Variants in XDH observed in about 807,000 individuals in gnomAD.
XDH encodes xanthine dehydrogenase.
Under a neutral mutation model 156.1 loss-of-function variants are expected in XDH, and 138 were observed. The observed-to-expected ratio is 0.88, with a 90% confidence interval of 0.77 to 1.02. XDH has a LOEUF of 1.02. XDH is among the 50% of genes least tolerant of loss of function. The probability of loss-of-function intolerance (pLI) is 0.00; values close to 1 mark genes in which losing one functional copy is unlikely to be tolerated. For missense variants in XDH, 1,849 were observed against 1,684.9 expected (o/e 1.10, Z -1.71); for synonymous variants, 669 against 625.7 (o/e 1.07, Z -1.03).
intron 24 of XDH, among the ~76,000 whole-genome samples, chr2:31,358,572 T>A (rs1685685988): frequency 6.6e-6 from 1 of 152,130 alleles, no homozygotes; most frequent in Non-Finnish European, 1.5e-5. Flanking sequence ...CAAGCTGGAT[T>A]CATTCCAAGG....
chr2:31,347,574 G>C lies in XDH; in HGVS notation c.3224C>G (p.Thr1075Ser). Residue 1075 changes from threonine (T) to serine (S), a missense_variant, in exon 29 of 36, where the codon ACC becomes AGC. By Grantham distance (58) the Thr-to-Ser change is moderately conservative. Transcript: ENST00000379416. ...SETSTNTVPNTSPTAASVSAD... is the reference protein window; with the variant it reads ...SETSTNTVPNSSPTAASVSAD... ...GCTGACAGAGGCAGCCGTGGGAGAG[G>C]TGTTGGGCACAGTGTTAGTGCTTGT... 6.2e-7 allele frequency: 1 copy of C among 1,614,178 alleles called. No homozygotes were observed. The highest frequency in any genetic ancestry group is 8.5e-7 in the Non-Finnish European group (1 of 1,180,024).
rs45489195 is a variant in XDH, at chr2:31,376,524, A to T, written c.1427+529T>A. ...GTAATGTTATTAGTAAAATACTAGT[A>T]TAACAGCAGTAATAGTAGTAGTAGT... On this transcript the variant is annotated intron_variant, in intron 14 of 35. Coordinates refer to ENST00000379416, the MANE Select transcript of XDH (RefSeq NM_000379.4). Among the ~76,000 whole-genome samples, 155 of 149,476 alleles carry T rather than the reference A, an allele frequency of 1.0e-3. 2 individuals carry two copies. The East Asian group carries it at 0.03, about 29-fold the overall frequency.
At chr2:31,392,403 G>A (rs1686791165) in intron 6 of XDH, among the ~76,000 whole-genome samples, 1 of 150,672 alleles carries the variant, frequency 6.6e-6, no homozygotes, top group Non-Finnish European at 1.5e-5. Context: ...GATTTTATTT[G>A]TATTTTATTT....
At chr2:31,410,922 T>A (rs528899742) in intron 1 of XDH, among the ~76,000 whole-genome samples, 1 of 152,314 alleles carries the variant, frequency 6.6e-6, no homozygotes, top group South Asian at 2.1e-4. Context: ...TACATTTGCA[T>A]AAAGTTTATA....
intron 3 of XDH, 100 bp from the exon 4 acceptor site, chr2:31,401,428 C>T (rs576850453): frequency 1.4e-5 from 16 of 1,175,986 alleles, no homozygotes; most frequent in Admixed American, 5.9e-5. Context: ...CTTTATGTTA[C>T]GTCTCTCCGC....
chr2:31,375,013 TTC>T (rs1299878749), intron 15 of XDH, among the ~76,000 whole-genome samples: 1 of 112,260 alleles, frequency 8.9e-6, no homozygotes. Context: ...CTTTCTTTCT[TTC>T]TTTCTTTCTT....
intron 13 of XDH, among the ~76,000 whole-genome samples, chr2:31,378,102 G>GAA (rs1686307895): frequency 1.7e-5 from 1 of 60,318 alleles, no homozygotes. Flanking sequence ...AAGAAAGAAA[G>GAA]AAAGAAAGGA....
At position 31,364,249 on chromosome 2, in the gene XDH, T is replaced by C. The variant is rs769448916; in HGVS notation, c.2545-5A>G. 21 of 1,613,928 alleles carry C rather than the reference T, an allele frequency of 1.3e-5. No individual in the cohort carries two copies. Among genetic ancestry groups the C allele is most frequent in the Non-Finnish European group, 1.8e-5 (21 of 1,179,972 alleles). Reference sequence around the variant, plus strand: ...CCCAGTCTTCATGAAGCCAACCTGATAAAAGGAGAAAGGAGAGGGATTTAT... The same window carrying C: ...CCCAGTCTTCATGAAGCCAACCTGACAAAAGGAGAAAGGAGAGGGATTTAT... On this transcript the variant is annotated splice_polypyrimidine_tract_variant and splice_region_variant and intron_variant, in intron 23 of 35. Transcript: ENST00000379416.
At chr2:31,408,587 A>G (rs1687255900) in intron 1 of XDH, among the ~76,000 whole-genome samples, 1 of 152,230 alleles carries the variant, frequency 6.6e-6, no homozygotes, top group African/African-American at 2.4e-5. Context: ...CAAACAAACA[A>G]ATGGAAGATA....
chr2:31,350,089 G>A lies in XDH; in HGVS notation c.2766C>T (p.Leu922=), dbSNP rs746259748. Reference sequence around the variant, plus strand: ...CTTCACTCATCCAGCACTCGGCAATGAGCATCCCCTGGGGCCCCCCAAAGC... The same window carrying A: ...CTTCACTCATCCAGCACTCGGCAATAAGCATCCCCTGGGGCCCCCCAAAGC... The part of the protein sequence containing the change: ...FRGFGGPQGM[L]IAECWMSEVA... The change falls in exon 25 of 36, where the codon CTC becomes CTT. Residue 922 remains leucine (L), a synonymous_variant. Coordinates refer to ENST00000379416, the MANE Select transcript of XDH (RefSeq NM_000379.4). 1.2e-6 allele frequency: 2 copies of A among 1,614,264 alleles called. No homozygotes were observed. The highest frequency in any genetic ancestry group is 2.2e-5 in the East Asian group (1 of 44,882).
chr2:31,402,935 A>G, intron 3 of XDH, 113 bp downstream of exon 3: 1 of 1,135,092 alleles, frequency 8.8e-7, no homozygotes, highest in Non-Finnish European at 1.3e-6. Context: ...CCATAAAAAC[A>G]GGGGCTCACA....
chr2:31,377,312 G>C, intron 13 of XDH, 75 bp from the exon 14 acceptor site: 1 of 1,553,526 alleles, frequency 6.4e-7, no homozygotes, highest in Admixed American at 1.7e-5. Context: ...CAAACCACAG[G>C]GCTATGAGGT....
At chr2:31,386,948 G>A (rs1232305178) in intron 8 of XDH, among the ~76,000 whole-genome samples, 2 of 118,780 alleles carry the variant, frequency 1.7e-5, no homozygotes, top group African/African-American at 6.3e-5. Context: ...GGGAGAGAGG[G>A]AGGGAGGGAG....
chr2:31,388,798 G>A (rs1686682596), intron 6 of XDH, among the ~76,000 whole-genome samples: 1 of 152,184 alleles, frequency 6.6e-6, no homozygotes, highest in Non-Finnish European at 1.5e-5. Context: ...TCCAGCCAGT[G>A]TGCCCAATGG....
At chr2:31,340,410 G>A (rs1203106218) in intron 33 of XDH, among the ~76,000 whole-genome samples, 1 of 152,112 alleles carries the variant, frequency 6.6e-6, no homozygotes, top group Non-Finnish European at 1.5e-5. Context: ...TCTACCAGAT[G>A]CTCAGTCTTG....
chr2:31,341,907 A>G (rs1198483635), intron 32 of XDH, among the ~76,000 whole-genome samples: 5 of 152,236 alleles, frequency 3.3e-5, no homozygotes, highest in Non-Finnish European at 7.3e-5. Flanking sequence ...TCTATAAATC[A>G]TATTTTATTG....
In XDH at chr2:31,337,712, G is replaced by A. The variant is rs1369778020; in HGVS notation, c.3880C>T (p.Leu1294Phe). The change falls in exon 35 of 36, where the codon CTC becomes TTC. Residue 1294 changes from leucine (L) to phenylalanine (F), a missense_variant. By Grantham distance (22) the Leu-to-Phe change is conservative. Transcript: ENST00000379416. ...GTGGCAGGGCTGTCTAGCCGGAAGAGTTCCTTCACGTTATTACCTGTGTGC... is the reference window on the plus strand; with the variant it reads ...GTGGCAGGGCTGTCTAGCCGGAAGAATTCCTTCACGTTATTACCTGTGTGC... ...AQHTGNNVKELFRLDSPATPE... is the reference protein window; with the variant it reads ...AQHTGNNVKEFFRLDSPATPE... 6.2e-7 allele frequency: 1 copy of A among 1,614,244 alleles called. No individual in the cohort carries two copies. Among genetic ancestry groups the A allele is most frequent in the East Asian group, 2.2e-5 (1 of 44,890 alleles).
chr2:31,383,678 T>C (rs1225515077), intron 10 of XDH, 77 bp downstream of exon 10: 1 of 1,422,762 alleles, frequency 7.0e-7, no homozygotes, highest in Non-Finnish European at 9.7e-7. Context: ...GAGACCACCC[T>C]GATACCTGCC....
At chr2:31,370,775 G>C (rs45502391) in intron 17 of XDH, among the ~76,000 whole-genome samples, 1 of 152,296 alleles carries the variant, frequency 6.6e-6, no homozygotes, top group East Asian at 1.9e-4. Flanking sequence ...CAAGGTGGGA[G>C]GATCACTTGA....
Sources: gnomAD v4.1 joint callset for allele counts (sites outside exome capture counted in the v4.1 genomes callset) on GRCh38, gnomAD v4.1.1 for gene constraint, MANE v1.5 for transcripts, NCBI Gene and HGNC (gene_info 2026-07-23, HGNC 2026-07-21) for gene names.